ZNF655: variants seen among roughly 807,000 people sequenced by gnomAD.
ZNF655 encodes the protein zinc finger protein 655.
Under a neutral mutation model 6.6 loss-of-function variants are expected in ZNF655, and 3 were observed. That is an observed-to-expected ratio of 0.46 (90% CI 0.21 to 1.18). The LOEUF is 1.18. ZNF655 is among the 50% of genes most tolerant of loss of function. The pLI is 0.24. For synonymous variants in ZNF655, 178 were observed against 195.0 expected (o/e 0.91, Z 0.73); for missense variants, 526 against 572.3 (o/e 0.92, Z 0.83).
chr7:99,559,785 ATTT>A (rs60274417), intron 1 of ZNF655, among the ~76,000 whole-genome samples: 2 of 119,280 alleles, frequency 1.7e-5, no homozygotes, highest in Non-Finnish European at 3.4e-5. Context: ...GGGCCACCTA[ATTT>A]TTTTTTTTTT....
intron 1 of ZNF655, among the ~76,000 whole-genome samples, chr7:99,559,707 A>C (rs995856537): frequency 2.0e-5 from 3 of 151,930 alleles, no homozygotes; most frequent in Non-Finnish European, 2.9e-5. Context: ...AGCTCACTGC[A>C]GCCTCTACCT....
At chr7:99,571,055 G>A (rs567322504) in intron 2 of ZNF655, 1 of 305,570 alleles carries the variant, frequency 3.3e-6, no homozygotes, top group South Asian at 2.7e-5. Context: ...GGTCCTTGAG[G>A]GAAGGGACCT....
chr7:99,571,034 G>C, intron 2 of ZNF655: 1 of 266,466 alleles, frequency 3.8e-6, no homozygotes, highest in Non-Finnish European at 7.6e-6. Flanking sequence ...CTGTCTCTGT[G>C]TAGAGTGTGA....
chr7:99,565,262 G>A (rs765051961), intron 2 of ZNF655, among the ~76,000 whole-genome samples: 3 of 151,692 alleles, frequency 2.0e-5, no homozygotes, highest in Non-Finnish European at 2.9e-5. Context: ...TCCACCTCCC[G>A]GCTTCATGCC....
chr7:99,563,778 A>G, intron 2 of ZNF655: 5 of 1,503,386 alleles, frequency 3.3e-6, no homozygotes, highest in Non-Finnish European at 4.5e-6. Flanking sequence ...TCAGGATTCA[A>G]GGTCTTCTTA....
At chr7:99,569,358 C>T (rs1803865151) in intron 2 of ZNF655, among the ~76,000 whole-genome samples, 2 of 152,046 alleles carry the variant, frequency 1.3e-5, no homozygotes, top group South Asian at 4.1e-4. Flanking sequence ...AGGCTAGTGC[C>T]AAGAAAACTT....
intron 2 of ZNF655, chr7:99,570,991 T>G (rs1804015113): frequency 5.4e-6 from 1 of 186,040 alleles, no homozygotes; most frequent in Admixed American, 6.1e-5. Context: ...TGCACTTCCC[T>G]CTCTATATTT....
In ZNF655 at chr7:99,560,478, A is replaced by C. The variant is rs1376524933; in HGVS notation, c.-27-55A>C. The C allele has an allele frequency of 5.2e-6, 8 of 1,528,076 alleles. No homozygotes were observed. In the East Asian group the frequency reaches 1.8e-4, roughly 35 times the overall value. 94.7% of individuals were successfully genotyped at this position (1,528,076 alleles called of 1,614,324 possible). A position where few individuals can be genotyped will look rare whatever the true frequency, so the allele number is the denominator to read the frequency against. On this transcript the variant is annotated intron_variant, in intron 1 of 2. Transcript: ENST00000252713. ...TCCTTTGCAAAGTCCTGACGATATA[A>C]AATGATGAAATGCTTTAACTTATTA...
rs1414482653 is a variant in ZNF655 at position 99,564,478 on chromosome 7, ATTC to A, written c.136+3786_136+3788del. On this transcript the variant is annotated intron_variant, in intron 2 of 2. Coordinates refer to ENST00000252713, the MANE Select transcript of ZNF655 (RefSeq NM_138494.3). The stretch of plus-strand genomic sequence containing the variant: ...TCAAGGTCCTACCTTCCTACCCTTT[ATTC>A]TTTGTGGTTCTGTACAGATTGATGC... 7.0e-6 allele frequency: 7 copies of A among 996,120 alleles called. No individual in the cohort carries two copies. In the East Asian group the frequency reaches 6.7e-4, roughly 95 times the overall value. 61.7% of individuals were successfully genotyped at this position (996,120 alleles called of 1,614,324 possible).
chr7:99,569,800 T>A (rs944070754), intron 2 of ZNF655, among the ~76,000 whole-genome samples: 9 of 152,050 alleles, frequency 5.9e-5, no homozygotes, highest in African/African-American at 1.9e-4. Context: ...TTTTCTCTTT[T>A]AAAAAAAATT....
chr7:99,562,213 T>A lies in ZNF655; in HGVS notation c.136+1518T>A, dbSNP rs534664323. The stretch of plus-strand genomic sequence containing the variant: ...TTGTGTGATGGGTGCTTATTAGATG[T>A]TTAAGGGTTATGGGCTTTATTCCGT... On this transcript the variant is annotated intron_variant, in intron 2 of 2. Transcript: ENST00000252713. The A allele has an allele frequency of 5.6e-4, 541 of 966,084 alleles. 1 individual carries two copies. The highest frequency in any genetic ancestry group is 9.7e-4 in the South Asian group (52 of 53,420). The allele number at this position is 966,084 out of a possible 1,614,324, so 59.8% of individuals were successfully genotyped here.
At chr7:99,560,111 G>A (rs556359519) in intron 1 of ZNF655, among the ~76,000 whole-genome samples, 3 of 146,972 alleles carry the variant, frequency 2.0e-5, no homozygotes, top group African/African-American at 7.6e-5. Context: ...TTGGGACGGA[G>A]TCTCACTGTG....
At chr7:99,563,726 G>T in intron 2 of ZNF655, 3 of 858,488 alleles carry the variant, frequency 3.5e-6, no homozygotes, top group Admixed American at 2.7e-5. Context: ...CTTTGTCTAT[G>T]CTGGTGGCAT....
At chr7:99,563,656 CTTT>C (rs1348683194) in intron 2 of ZNF655, among the ~76,000 whole-genome samples, 3 of 151,432 alleles carry the variant, frequency 2.0e-5, no homozygotes, top group African/African-American at 7.3e-5. Context: ...CTGCACTCTT[CTTT>C]TTGTGTGTGT....
At chr7:99,563,933 G>T in intron 2 of ZNF655, 1 of 1,613,726 alleles carries the variant, frequency 6.2e-7, no homozygotes, top group Non-Finnish European at 8.5e-7. Context: ...GTCATACCCA[G>T]GCAAGTGCTT....
At chr7:99,571,669 T>C (rs1804079548) in intron 2 of ZNF655, 1 of 1,576,080 alleles carries the variant, frequency 6.3e-7, no homozygotes, top group South Asian at 1.1e-5. Context: ...CCACATCCCA[T>C]TTCCTTCTCT....
intron 2 of ZNF655, chr7:99,564,495 A>AC: frequency 3.0e-6 from 3 of 987,516 alleles, no homozygotes; most frequent in Non-Finnish European, 3.6e-6. Flanking sequence ...GTGGTTCTGT[A>AC]CAGATTGATG....
chr7:99,573,245 C>T lies in ZNF655; in HGVS notation c.1137C>T (p.Pro379=). The T allele has an allele frequency of 6.2e-7, 1 of 1,614,098 alleles. No homozygotes were observed. Residue 379 remains proline, a synonymous_variant, in exon 3 of 3, where the codon CCC becomes CCT. Transcript: ENST00000252713. ...KQQGIHFREK[P]YTCSECGKDF... ...AAGGAATTCATTTCAGAGAAAAGCC[C>T]TATACGTGTAGTGAATGTGGAAAAG...
At chr7:99,565,268 A>T (rs913816929) in intron 2 of ZNF655, among the ~76,000 whole-genome samples, 3 of 151,720 alleles carry the variant, frequency 2.0e-5, no homozygotes, top group African/African-American at 7.3e-5. Flanking sequence ...TCCCGGCTTC[A>T]TGCCATTCTC....
Sources: gnomAD v4.1 joint callset for allele counts (sites outside exome capture counted in the v4.1 genomes callset) on GRCh38, gnomAD v4.1.1 for gene constraint, MANE v1.5 for transcripts, NCBI Gene and HGNC (gene_info 2026-07-23, HGNC 2026-07-21) for gene names.